The following MIOS variants were observed in gnomAD, a reference collection of about 807,000 sequenced individuals.
The protein encoded by MIOS is GATOR2 complex protein MIOS.
In MIOS, 52 loss-of-function variants were observed where a neutral mutation model predicts 96.9. The observed-to-expected ratio is 0.54, with a 90% CI of 0.43 to 0.68. The LOEUF (loss-of-function observed/expected upper bound fraction) is 0.68. Ranked by LOEUF, MIOS falls within the 30% of genes least tolerant of loss-of-function variation. The pLI is 0.00. For synonymous variants in MIOS, 397 were observed against 359.5 expected (o/e 1.10, Z -1.18); for missense variants, 1,005 against 1,052.8 (o/e 0.95, Z 0.63).
At position 7,589,438 on chromosome 7, in the gene MIOS, A is replaced by T; in HGVS notation, c.1918A>T (p.Met640Leu). 2 of 1,613,638 alleles carry T rather than the reference A, an allele frequency of 1.2e-6. No individual in the cohort carries two copies. The highest frequency in any genetic ancestry group is 1.7e-6 in the Non-Finnish European group (2 of 1,179,688). Reference sequence around the variant, plus strand: ...ATACATCGAAAAGTTGACCAATGAAATGAAAGAGGCTGGAAATTTGGAAGG... The same window carrying T: ...ATACATCGAAAAGTTGACCAATGAATTGAAAGAGGCTGGAAATTTGGAAGG... ...NRYIEKLTNE[M>L]KEAGNLEGIL... The change falls in exon 9 of 13, where the codon ATG becomes TTG. Residue 640 changes from methionine to leucine, a missense_variant. Physicochemically the swap from Met to Leu is conservative, Grantham distance 15. Around this residue, in one of 3 missense-constraint regions of MIOS, gnomAD observed 865 missense variants for 887.9 expected, o/e 0.97. Coordinates refer to ENST00000340080, the MANE Select transcript of MIOS (RefSeq NM_019005.4).
In MIOS at chr7:7,588,519, C is replaced by T. The variant is rs751445891; in HGVS notation, c.1840C>T (p.Arg614Cys). Residue 614 changes from arginine to cysteine, a missense_variant, in exon 8 of 13, where the codon CGT (arginine) becomes TGT (cysteine). Transcript: ENST00000340080. ...GVLYENKVAVRDRVAFACKFL... is the reference protein window; with the variant it reads ...GVLYENKVAVCDRVAFACKFL... Reference sequence around the variant, plus strand: ...CCAGTATGAAAACAAAGTTGCAGTACGTGACAGAGTGGCATTTGCTTGTAA... The same window carrying T: ...CCAGTATGAAAACAAAGTTGCAGTATGTGACAGAGTGGCATTTGCTTGTAA... The T allele has an allele frequency of 8.8e-6, 14 of 1,591,432 alleles. No individual in the cohort carries two copies. The highest frequency in any genetic ancestry group is 1.3e-5 in the African/African-American group (1 of 74,660).
chr7:7,575,971 T>G (rs561944711), intron 5 of MIOS, among the ~76,000 whole-genome samples: 1 of 152,232 alleles, frequency 6.6e-6, no homozygotes, highest in Admixed American at 6.5e-5. Context: ...CTCTTAGATT[T>G]CAGTCTTCTG....
intron 5 of MIOS, among the ~76,000 whole-genome samples, chr7:7,579,821 A>G (rs1380845493): frequency 6.6e-6 from 1 of 152,204 alleles, no homozygotes; most frequent in Non-Finnish European, 1.5e-5. Flanking sequence ...GGGCTATGCC[A>G]TCTAGGTTTG....
rs750944424 is a variant in MIOS, at chr7:7,607,125, T to C, written c.*33T>C. 3 of 1,540,810 alleles carry C rather than the reference T, an allele frequency of 1.9e-6. No homozygotes were observed. The highest frequency in any genetic ancestry group is 3.8e-5 in the Admixed American group (2 of 52,544). On this transcript the variant is annotated 3_prime_UTR_variant, in exon 13 of 13. Transcript: ENST00000340080. ...CCACCTTAAGAGAACCCTTCAAGTGTGGAGCTTTCTAGTAGGTGTCCTTCA... is the reference window on the plus strand; with the variant it reads ...CCACCTTAAGAGAACCCTTCAAGTGCGGAGCTTTCTAGTAGGTGTCCTTCA...
intron 5 of MIOS, among the ~76,000 whole-genome samples, chr7:7,576,668 C>A (rs929354554): frequency 6.6e-6 from 1 of 152,120 alleles, no homozygotes; most frequent in Non-Finnish European, 1.5e-5. Context: ...TAGGGAGATT[C>A]ATCTTGTAAG....
At chr7:7,601,461 A>G (rs1347048943) in intron 11 of MIOS, among the ~76,000 whole-genome samples, 2 of 152,250 alleles carry the variant, frequency 1.3e-5, no homozygotes, top group Non-Finnish European at 2.9e-5. Flanking sequence ...CAAATAAACT[A>G]GAAAATCTAG....
intron 10 of MIOS, 45 bp downstream of exon 10, chr7:7,595,177 G>T: frequency 6.4e-7 from 1 of 1,563,844 alleles, no homozygotes; most frequent in South Asian, 1.2e-5. Context: ...ACATGTTGAT[G>T]TTCAATTTAA....
At chr7:7,568,184 T>G (rs909925183) in intron 3 of MIOS, 61 bp downstream of exon 3, 8 of 152,226 alleles carry the variant, frequency 5.3e-5, no homozygotes, top group African/African-American at 1.9e-4. Flanking sequence ...ACCTAATTTT[T>G]TAATGTCTCC....
chr7:7,573,974 C>T lies in MIOS; in HGVS notation c.1295-124C>T. On this transcript the variant is annotated intron_variant, in intron 4 of 12. Transcript: ENST00000340080. The surrounding 1 kb of genome is among the most constrained non-coding windows in gnomAD (Gnocchi z 5.0). ...GTGTAGGAGGAAGAAAAGTGTATCT[C>T]TGCAATAGAGTCGAACCACCTTATT... The T allele has an allele frequency of 1.1e-6, 1 of 903,850 alleles. No homozygotes were observed. The highest frequency in any genetic ancestry group is 1.8e-5 in the South Asian group (1 of 55,564). The allele number at this position is 903,850 out of a possible 1,614,324, so 56.0% of individuals were successfully genotyped here.
chr7:7,599,145 T>G (rs1466584031), intron 11 of MIOS, among the ~76,000 whole-genome samples: 1 of 152,182 alleles, frequency 6.6e-6, no homozygotes, highest in Non-Finnish European at 1.5e-5. Flanking sequence ...TCTAAAAAGA[T>G]CTGAAAATCC....
chr7:7,583,388 C>T lies in MIOS; in HGVS notation c.1648+16C>T. On this transcript the variant is annotated intron_variant, in intron 6 of 12. Coordinates refer to ENST00000340080, the MANE Select transcript of MIOS (RefSeq NM_019005.4). ...TCTGAAAAAGGTATTAGGTTATAAA[C>T]TAAGATATTAGTTATAATCTAAGAT... is the stretch of plus-strand genomic sequence containing the variant. The T allele has an allele frequency of 6.4e-7, 1 of 1,559,428 alleles. No individual in the cohort carries two copies. The highest frequency in any genetic ancestry group is 1.2e-5 in the South Asian group (1 of 82,086).
chr7:7,602,783 C>T (rs1307116232), intron 11 of MIOS, among the ~76,000 whole-genome samples: 3 of 151,914 alleles, frequency 2.0e-5, no homozygotes, highest in African/African-American at 7.3e-5. Flanking sequence ...GCCAAAAGAA[C>T]AAAGCCGGAG....
intron 10 of MIOS, among the ~76,000 whole-genome samples, chr7:7,595,867 T>A (rs574608003): frequency 6.6e-6 from 1 of 152,220 alleles, no homozygotes. Context: ...CTCTTTGTCT[T>A]AGGAACAGCG....
rs976235608 is a variant in MIOS at position 7,569,652 on chromosome 7, C to A, written c.-41+1529C>A. On this transcript the variant is annotated intron_variant, in intron 3 of 12. Transcript: ENST00000340080. ...TGGAACACCAAAAATACTTCACCTG[C>A]TCTCATGGAGTGTATAATCCAGTAG... is the stretch of plus-strand genomic sequence containing the variant. Among the ~76,000 whole-genome samples the A allele has an allele frequency of 2.0e-5, 3 of 152,202 alleles. No individual in the cohort carries two copies. The East Asian group carries it at 5.8e-4, about 29-fold the overall frequency.
In MIOS at chr7:7,607,225, C is replaced by G. The variant is rs1317697074; in HGVS notation, c.*133C>G. The G allele has an allele frequency of 4.8e-6, 3 of 626,104 alleles. No individual in the cohort carries two copies. Among genetic ancestry groups the G allele is most frequent in the Admixed American group, 3.6e-5 (1 of 27,766 alleles). The allele number at this position is 626,104 out of a possible 1,614,324, so 38.8% of individuals were successfully genotyped here. On this transcript the variant is annotated 3_prime_UTR_variant, in exon 13 of 13. Coordinates refer to ENST00000340080, the MANE Select transcript of MIOS (RefSeq NM_019005.4). ...GGGAAAATAAATCATTCTATCAGAT[C>G]AGCAGTTTTGATGTTTGAGTGATTT... is the stretch of plus-strand genomic sequence containing the variant.
In MIOS at chr7:7,605,953, T is replaced by TA. The variant is rs754948088; in HGVS notation, c.2413_2414insA (p.Ser805TyrfsTer3). On this transcript the variant is annotated frameshift_variant, in exon 12 of 13. Coordinates refer to ENST00000340080, the MANE Select transcript of MIOS (RefSeq NM_019005.4). LOFTEE classifies it high-confidence loss of function. The stretch of plus-strand genomic sequence containing the variant: ...TTATTTTGTCATAGGAGGAACCAAA[T>TA]CAGATGAAAAAGTGGACTTGAGCAA... 6.2e-7 allele frequency: 1 copy of TA among 1,613,486 alleles called. No individual in the cohort carries two copies. The highest frequency in any genetic ancestry group is 1.1e-5 in the South Asian group (1 of 91,062).
intron 3 of MIOS, among the ~76,000 whole-genome samples, chr7:7,571,311 A>C (rs916871224): frequency 6.6e-6 from 1 of 152,140 alleles, no homozygotes; most frequent in Non-Finnish European, 1.5e-5. Context: ...TAGAATATTT[A>C]TTTTTTTCAA....
chr7:7,606,714 C>T (rs1784540470), intron 12 of MIOS, among the ~76,000 whole-genome samples: 1 of 152,090 alleles, frequency 6.6e-6, no homozygotes, highest in East Asian at 1.9e-4. Context: ...TAATTTGATG[C>T]TTTTGATGCT....
intron 5 of MIOS, among the ~76,000 whole-genome samples, chr7:7,574,422 C>G (rs912582820): frequency 2.3e-4 from 35 of 152,026 alleles, no homozygotes; most frequent in Non-Finnish European, 1.2e-4. Flanking sequence ...TGATGTTGAT[C>G]TTCTTAAATC....
Sources: allele counts gnomAD v4.1 joint callset (sites outside exome capture counted in the v4.1 genomes callset), GRCh38; gene constraint gnomAD v4.1.1; regional missense constraint gnomAD v4.1.1; non-coding constraint Gnocchi (gnomAD v3.1); transcripts MANE v1.5; gene names NCBI Gene and HGNC (gene_info 2026-07-23, HGNC 2026-07-21).